The following HERC2 variants were observed in gnomAD, a reference collection of about 807,000 sequenced individuals.
HERC2 encodes the protein HECT and RLD domain containing E3 ubiquitin protein ligase 2, also known as E3 ubiquitin-protein ligase HERC2.
In HERC2, 102 loss-of-function variants were observed where a neutral mutation model predicts 537.7. That is an observed-to-expected ratio of 0.19 (90% CI 0.16 to 0.22). The LOEUF is 0.22. HERC2 is among the 10% of genes least tolerant of loss of function. The pLI, the probability that HERC2 is intolerant of heterozygous loss-of-function variation, is 1.00. For missense variants in HERC2, 4,236 were observed against 6,198.2 expected (o/e 0.68, Z 10.63); for synonymous variants, 2,224 against 2,466.2 (o/e 0.90, Z 2.91).
Position 28,257,097 on chromosome 15 carries a change from A to G in HERC2, c.2481T>C (p.Cys827=), listed in dbSNP as rs1222226276. Residue 827 remains cysteine, a synonymous_variant, in exon 17 of 93, where the codon TGT becomes TGC. Transcript: ENST00000261609. ...ADWPPPQEKE[C]VAVATLNLLR... is the part of the protein sequence containing the mutation. ...GAAGATTCAGCGTTGCCACGGCCAC[A>G]CACTCTTTCTCCTGGGGCGGGGGCC... is the stretch of plus-strand genomic sequence containing the variant. The G allele has an allele frequency of 8.1e-6, 13 of 1,613,784 alleles. No individual in the cohort carries two copies. The Admixed American group carries it at 8.3e-5, about 10-fold the overall frequency.
rs1285817923 is a variant in HERC2, at chr15:28,168,593, G to C, written c.10230-3C>G. The C allele has an allele frequency of 6.2e-7, 1 of 1,612,752 alleles. No homozygotes were observed. Among genetic ancestry groups the C allele is most frequent in the Non-Finnish European group, 8.5e-7 (1 of 1,179,326 alleles). ...TCAGGGCCCCGACAACAGCATCTCT[G>C]TCAGGACACAAAGCCAGGCCTGTGG... On this transcript the variant is annotated splice_polypyrimidine_tract_variant and splice_region_variant and intron_variant, in intron 66 of 92. Coordinates refer to ENST00000261609, the MANE Select transcript of HERC2 (RefSeq NM_004667.6).
chr15:28,226,331 T>C (rs1433308120), intron 35 of HERC2, among the ~76,000 whole-genome samples: 2 of 151,750 alleles, frequency 1.3e-5, no homozygotes, highest in African/African-American at 4.9e-5. Flanking sequence ...AAAATCATCT[T>C]GAGAAAGAAA....
In HERC2 at chr15:28,296,690, A is replaced by C. The variant is rs1428535036; in HGVS notation, c.187+2712T>G. 1.9e-3 allele frequency among the ~76,000 whole-genome samples: 4 copies of C among 2,054 alleles called. No homozygotes were observed. In the Non-Finnish European group the frequency reaches 0.052, roughly 27 times the overall value. 1.3% of individuals were successfully genotyped at this position (2,054 alleles called of 152,430 possible). ...TATACAGAATGAATTACTGATACAT[A>C]AAAAAAAAAAAAAAAAAAGGTTGCT... On this transcript the variant is annotated intron_variant, in intron 3 of 92. Coordinates refer to ENST00000261609, the MANE Select transcript of HERC2 (RefSeq NM_004667.6).
At chr15:28,179,247 A>C (rs1048314072) in intron 57 of HERC2, 24 bp from the exon 58 acceptor site, 1 of 1,531,726 alleles carries the variant, frequency 6.5e-7, no homozygotes, top group Non-Finnish European at 8.9e-7. Context: ...TTTTTAACAA[A>C]AAAAAAAGAA....
At chr15:28,157,505 C>T (rs1893131189) in intron 69 of HERC2, among the ~76,000 whole-genome samples, 1 of 152,170 alleles carries the variant, frequency 6.6e-6, no homozygotes, top group East Asian at 1.9e-4. Flanking sequence ...TTATCCATTT[C>T]TTCTAGATTT....
chr15:28,274,838 C>T (rs1387186370), intron 6 of HERC2, 67 bp downstream of exon 6: 28 of 1,264,688 alleles, frequency 2.2e-5, no homozygotes, highest in South Asian at 7.2e-5. Flanking sequence ...GTGGCTGAAC[C>T]GAGTTCGAAA....
At chr15:28,216,498 C>T (rs910191203) in intron 38 of HERC2, among the ~76,000 whole-genome samples, 12 of 148,706 alleles carry the variant, frequency 8.1e-5, no homozygotes, top group Admixed American at 2.0e-4. Context: ...GGAGGCTGGG[C>T]CCCCTGAGGG....
chr15:28,304,549 G>A (rs371561750), intron 2 of HERC2, among the ~76,000 whole-genome samples: 1 of 151,850 alleles, frequency 6.6e-6, no homozygotes, highest in Admixed American at 6.6e-5. Context: ...TATATTTTTA[G>A]TAGAGACAGG....
In HERC2 at chr15:28,167,749, G is replaced by A; in HGVS notation, c.10492C>T (p.Pro3498Ser). The A allele has an allele frequency of 1.2e-6, 2 of 1,614,154 alleles. No individual in the cohort carries two copies. Among genetic ancestry groups the A allele is most frequent in the Non-Finnish European group, 1.7e-6 (2 of 1,180,044 alleles). ...GCGGCTCCCAGGTCATCCGTCACTG[G>A]GATAAAAGGCCGAGCGGAGGCTGAG... ...APSASARPFIPVTDDLGAASI... is the reference protein window; with the variant it reads ...APSASARPFISVTDDLGAASI... The change falls in exon 68 of 93, where the codon CCA (proline) becomes TCA (serine). Residue 3498 changes from proline (P) to serine (S), a missense_variant. Transcript: ENST00000261609.
chr15:28,156,602 G>C (rs1023413284), intron 69 of HERC2, among the ~76,000 whole-genome samples: 1 of 152,160 alleles, frequency 6.6e-6, no homozygotes, highest in African/African-American at 2.4e-5. Flanking sequence ...CATTGATTTT[G>C]TATCCTGAGA....
chr15:28,219,676 G>A (rs1900311730), intron 37 of HERC2, among the ~76,000 whole-genome samples: 1 of 152,264 alleles, frequency 6.6e-6, no homozygotes, highest in African/African-American at 2.4e-5. Context: ...CATACCACCT[G>A]CTCTCTAGTG....
At chr15:28,181,971 C>T (rs1490406806) in intron 57 of HERC2, among the ~76,000 whole-genome samples, 1 of 152,168 alleles carries the variant, frequency 6.6e-6, no homozygotes, top group Non-Finnish European at 1.5e-5. Flanking sequence ...GCTCGCAAAG[C>T]GTTCTCTCTC....
In HERC2 at chr15:28,238,657, C is replaced by T. The variant is rs567072767; in HGVS notation, c.3693G>A (p.Lys1231=). Residue 1231 remains lysine, a synonymous_variant, in exon 24 of 93, where the codon AAG becomes AAA. Transcript: ENST00000261609. ...TCTGGAAGTCCTTTATATCATACAC[C>T]TTCCCGTCAATCACAGTCCAGAAGC... is the stretch of plus-strand genomic sequence containing the variant. The part of the protein sequence containing the change: ...DGGFWTVIDG[K]VYDIKDFQTQ... 37 of 1,611,490 alleles carry T rather than the reference C, an allele frequency of 2.3e-5. No individual in the cohort carries two copies. Among genetic ancestry groups the T allele is most frequent in the African/African-American group, 6.7e-5 (5 of 74,812 alleles).
intron 3 of HERC2, among the ~76,000 whole-genome samples, chr15:28,299,001 A>G (rs1306113317): frequency 1.3e-5 from 2 of 152,156 alleles, no homozygotes; most frequent in Non-Finnish European, 2.9e-5. Context: ...ACAAGCAGCC[A>G]TTTTTTTAAA....
At chr15:28,195,010 C>A (rs1439601489) in intron 52 of HERC2, among the ~76,000 whole-genome samples, 1 of 149,856 alleles carries the variant, frequency 6.7e-6, no homozygotes. Flanking sequence ...GAGCCAGGAT[C>A]GCGCCACTGC....
chr15:28,241,441 G>A (rs1024558329), intron 23 of HERC2, among the ~76,000 whole-genome samples: 9 of 151,844 alleles, frequency 5.9e-5, no homozygotes, highest in African/African-American at 7.3e-5. Context: ...CAGCCACTCC[G>A]AAAAACACTA....
In HERC2 at chr15:28,163,226, G is replaced by A. The variant is rs951273227; in HGVS notation, c.10614C>T (p.Thr3538=). 1 of 1,613,918 alleles carries A rather than the reference G, an allele frequency of 6.2e-7. No homozygotes were observed. The highest frequency in any genetic ancestry group is 8.5e-7 in the Non-Finnish European group (1 of 1,180,038). The change falls in exon 69 of 93, where the codon ACC becomes ACT. Residue 3538 remains threonine, a synonymous_variant. Coordinates refer to ENST00000261609, the MANE Select transcript of HERC2 (RefSeq NM_004667.6). The stretch of plus-strand genomic sequence containing the variant: ...GAGTGTCATCCGCAATCAGCAGACT[G>A]GTGAACTCATCCAAGGCCTGAGGCT... The part of the protein sequence containing the change: ...GPEPQALDEF[T]SLLIADDTRV...
chr15:28,298,733 G>T (rs8023410), intron 3 of HERC2: 33,237 of 151,550 alleles, frequency 0.22, 7,057 homozygotes, highest in African/African-American at 0.55. Context: ...GAGGTGGAGC[G>T]TGCAGTGAGC....
intron 20 of HERC2, among the ~76,000 whole-genome samples, chr15:28,251,120 C>A (rs909771364): frequency 6.6e-5 from 10 of 152,150 alleles, no homozygotes; most frequent in Non-Finnish European, 1.5e-4. Flanking sequence ...AATGGAGCTA[C>A]AGGTGCAATT....
Sources: allele counts gnomAD v4.1 joint callset (sites outside exome capture counted in the v4.1 genomes callset), GRCh38; gene constraint gnomAD v4.1.1; transcripts MANE v1.5; gene names NCBI Gene and HGNC (gene_info 2026-07-23, HGNC 2026-07-21).